The following ZSWIM6 variants were observed in gnomAD, a reference collection of about 807,000 sequenced individuals.
ZSWIM6 encodes the protein zinc finger SWIM domain-containing protein 6.
A neutral mutation model predicts 113.2 loss-of-function variants in ZSWIM6; 9 were observed. The ratio of observed to expected loss-of-function variants is 0.08; its 90% CI spans 0.05 to 0.14. The LOEUF is 0.14. Among genes scored for constraint, ZSWIM6 ranks in the 10% least tolerant of loss-of-function variants. The pLI is 1.00. For synonymous variants in ZSWIM6, 611 were observed against 606.5 expected (o/e 1.01, Z -0.11); for missense variants, 1,162 against 1,552.2 (o/e 0.75, Z 4.22).
chr5:61,494,380 G>T lies in ZSWIM6; in HGVS notation c.1303G>T (p.Asp435Tyr). The T allele has an allele frequency of 6.4e-7, 1 of 1,551,030 alleles. No individual in the cohort carries two copies. Among genetic ancestry groups the T allele is most frequent in the South Asian group, 1.2e-5 (1 of 84,042 alleles). Residue 435 changes from aspartate (D) to tyrosine (Y), a missense_variant, in exon 4 of 14, where the codon GAC becomes TAC. By Grantham distance (160) the Asp-to-Tyr change is radical. Coordinates refer to ENST00000252744, the MANE Select transcript of ZSWIM6 (RefSeq NM_020928.2). ...LWRQQGTAMT[D>Y]KYRQLWDELG... ...GCGGCAACAAGGCACTGCAATGACTGACAAATACAGGCAGCTCTGGGATGA... is the reference window on the plus strand; with the variant it reads ...GCGGCAACAAGGCACTGCAATGACTTACAAATACAGGCAGCTCTGGGATGA...
chr5:61,474,511 A>T (rs1747657660), intron 2 of ZSWIM6, among the ~76,000 whole-genome samples: 2 of 152,200 alleles, frequency 1.3e-5, no homozygotes, highest in Non-Finnish European at 2.9e-5. Flanking sequence ...TCAATCCAAC[A>T]CATATCATAA....
intron 1 of ZSWIM6, among the ~76,000 whole-genome samples, chr5:61,356,704 A>G (rs1333438136): frequency 8.1e-6 from 1 of 123,052 alleles, no homozygotes; most frequent in Non-Finnish European, 1.7e-5. Flanking sequence ...CATATTTTAT[A>G]TATATAATAT....
intron 4 of ZSWIM6, among the ~76,000 whole-genome samples, chr5:61,510,696 A>T (rs991717534): frequency 6.6e-6 from 1 of 152,154 alleles, no homozygotes; most frequent in African/African-American, 2.4e-5. Context: ...CAGCAATTTG[A>T]TAATAGCCTT....
chr5:61,421,068 C>A (rs111537794), intron 1 of ZSWIM6, among the ~76,000 whole-genome samples: 130 of 152,040 alleles, frequency 8.6e-4, no homozygotes, highest in Non-Finnish European at 1.6e-3. Flanking sequence ...TACCGGCGCA[C>A]CCTGCTCAGC....
rs1202628407 is a variant in ZSWIM6 at position 61,490,815 on chromosome 5, A to G, written c.1063A>G (p.Ile355Val). The G allele has an allele frequency of 2.6e-6, 4 of 1,547,362 alleles. No homozygotes were observed. Among genetic ancestry groups the G allele is most frequent in the South Asian group, 2.4e-5 (2 of 83,744 alleles). ...TCCTGATCCAACAGCAGGTGCTAGT[A>G]TAGATGATGAAAACTGCTGGCACTT... Reference protein sequence around the residue: ...GAPDPTAGASIDDENCWHLDE... With the variant: ...GAPDPTAGASVDDENCWHLDE... The change falls in exon 3 of 14, where the codon ATA (isoleucine) becomes GTA (valine). Residue 355 changes from isoleucine (I) to valine (V), a missense_variant. By Grantham distance (29) the Ile-to-Val change is conservative (BLOSUM62 3). Transcript: ENST00000252744.
At chr5:61,417,793 T>TTG (rs1336084269) in intron 1 of ZSWIM6, among the ~76,000 whole-genome samples, 1 of 152,206 alleles carries the variant, frequency 6.6e-6, no homozygotes, top group Non-Finnish European at 1.5e-5. Context: ...AATGGGTAGA[T>TTG]TGTTTATCTG....
Position 61,439,359 on chromosome 5 carries a change from A to G in ZSWIM6, c.677-33322A>G, listed in dbSNP as rs149990177. ...ATAAAATCAATCTACACCCTCAAGCAGTTTGTAGTCTGCTGGAATGACAGA... is the reference window on the plus strand; with the variant it reads ...ATAAAATCAATCTACACCCTCAAGCGGTTTGTAGTCTGCTGGAATGACAGA... On this transcript the variant is annotated intron_variant, in intron 1 of 13. Transcript: ENST00000252744. 5.9e-3 allele frequency among the ~76,000 whole-genome samples: 897 copies of G among 152,314 alleles called. 2 individuals carry two copies. The highest frequency in any genetic ancestry group is 0.01 in the Non-Finnish European group (682 of 68,022).
intron 1 of ZSWIM6, among the ~76,000 whole-genome samples, chr5:61,343,232 T>C (rs1304928048): frequency 6.6e-6 from 1 of 152,204 alleles, no homozygotes; most frequent in African/African-American, 2.4e-5. Flanking sequence ...ACATTTAAAC[T>C]CTTACTAACT....
chr5:61,339,065 T>C (rs1330280811), intron 1 of ZSWIM6, among the ~76,000 whole-genome samples: 1 of 152,208 alleles, frequency 6.6e-6, no homozygotes, highest in African/African-American at 2.4e-5. Flanking sequence ...TATGGAAAGA[T>C]ATGGACCAGC....
intron 1 of ZSWIM6, among the ~76,000 whole-genome samples, chr5:61,348,077 CG>C (rs1744700808): frequency 6.6e-6 from 1 of 151,930 alleles, no homozygotes; most frequent in Admixed American, 6.6e-5. Context: ...AAAAGTTAGC[CG>C]GGTGTGGTGG....
chr5:61,500,176 G>T (rs1748428164), intron 4 of ZSWIM6, among the ~76,000 whole-genome samples: 1 of 150,830 alleles, frequency 6.6e-6, no homozygotes, highest in African/African-American at 2.4e-5. Context: ...GCCTAGGCTG[G>T]AGTTCAGTAG....
chr5:61,457,580 G>A (rs1306167975), intron 1 of ZSWIM6, among the ~76,000 whole-genome samples: 2 of 152,098 alleles, frequency 1.3e-5, no homozygotes, highest in Admixed American at 1.3e-4. Context: ...GGAGTGCACT[G>A]GCGTGATCTC....
At chr5:61,442,287 G>T (rs554489535) in intron 1 of ZSWIM6, among the ~76,000 whole-genome samples, 1 of 152,142 alleles carries the variant, frequency 6.6e-6, no homozygotes, top group Non-Finnish European at 1.5e-5. Flanking sequence ...TTATTCAAAA[G>T]AAACTGTAAA....
At position 61,507,911 on chromosome 5, in the gene ZSWIM6, T is replaced by A. The variant is rs1210596843; in HGVS notation, c.1334-13352T>A. Among the ~76,000 whole-genome samples the A allele has an allele frequency of 5.3e-5, 8 of 152,116 alleles. No individual in the cohort carries two copies. The East Asian group carries it at 1.5e-3, about 29-fold the overall frequency. The stretch of plus-strand genomic sequence containing the variant: ...GAATTCATATATACATAACTATACA[T>A]ACAAATTCCAACTTACAGAAGAACC... On this transcript the variant is annotated intron_variant, in intron 4 of 13. Coordinates refer to ENST00000252744, the MANE Select transcript of ZSWIM6 (RefSeq NM_020928.2).
At chr5:61,518,868 C>T (rs951932887) in intron 4 of ZSWIM6, among the ~76,000 whole-genome samples, 2 of 152,156 alleles carry the variant, frequency 1.3e-5, no homozygotes, top group South Asian at 2.1e-4. Flanking sequence ...TTGCCCATGC[C>T]TATGTCCTGA....
intron 1 of ZSWIM6, among the ~76,000 whole-genome samples, chr5:61,388,315 TA>T (rs1939492591): frequency 6.6e-6 from 1 of 152,128 alleles, no homozygotes; most frequent in Admixed American, 6.5e-5. Context: ...TGTGTGTTTG[TA>T]AAAGTCTATA....
In ZSWIM6 at chr5:61,464,247, C is replaced by G. The variant is rs540613028; in HGVS notation, c.677-8434C>G. On this transcript the variant is annotated intron_variant, in intron 1 of 13. Transcript: ENST00000252744. ...GTTGGCCAGGCTAGTCTCAAAACTC[C>G]TGACCTCAAGTGATCCACCTGTCTC... is the stretch of plus-strand genomic sequence containing the variant. 5.8e-5 allele frequency among the ~76,000 whole-genome samples: 8 copies of G among 138,312 alleles called. No individual in the cohort carries two copies. In the East Asian group the frequency reaches 1.5e-3, roughly 26 times the overall value. 90.7% of individuals were successfully genotyped at this position (138,312 alleles called of 152,430 possible). A position where few individuals can be genotyped will look rare whatever the true frequency, so the allele number is the denominator to read the frequency against.
In ZSWIM6 at chr5:61,332,577, CG is replaced by C; in HGVS notation, c.307del (p.Glu103SerfsTer7). ...GTGGAGGAGCGCTTTGAGCGCATCC[CG>C]GAGCCGGTGCAGCGCCGCATAGTCT... ...QRVEERFERIPEPVQRRIVYW... is the reference protein window; with the variant it reads ...QRVEERFERIXEPVQRRIVYW... On this transcript the variant is annotated frameshift_variant, in exon 1 of 14. Transcript: ENST00000252744. LOFTEE classifies it high-confidence loss of function. 7.3e-7 allele frequency: 1 copy of C among 1,362,454 alleles called. No individual in the cohort carries two copies. The highest frequency in any genetic ancestry group is 9.7e-7 in the Non-Finnish European group (1 of 1,030,652). 84.4% of individuals were successfully genotyped at this position (1,362,454 alleles called of 1,614,324 possible).
chr5:61,521,547 A>G (rs1749121253), intron 5 of ZSWIM6, 105 bp downstream of exon 5: 1 of 923,278 alleles, frequency 1.1e-6, no homozygotes, highest in Admixed American at 4.2e-5. Context: ...TTACCAACTT[A>G]AGAACTTACA....
Sources: gnomAD v4.1 joint callset for allele counts (sites outside exome capture counted in the v4.1 genomes callset) on GRCh38, gnomAD v4.1.1 for gene constraint, MANE v1.5 for transcripts, NCBI Gene and HGNC (gene_info 2026-07-23, HGNC 2026-07-21) for gene names.